APOH: variants seen among roughly 807,000 people sequenced by gnomAD.
The protein encoded by APOH is beta-2-glycoprotein 1.
Under a neutral mutation model 39.8 loss-of-function variants are expected in APOH, and 48 were observed. The observed-to-expected ratio is 1.21, with a 90% CI of 0.96 to 1.54. The LOEUF (loss-of-function observed/expected upper bound fraction) is 1.54, where lower values mean the gene tolerates loss of function less well. Among genes scored for constraint, APOH ranks in the 40% most tolerant of loss-of-function variants. The pLI is 0.00. For synonymous variants in APOH, 153 were observed against 151.1 expected, an observed-to-expected ratio of 1.01 and a Z score of -0.09; for missense variants, 415 against 421.2, an observed-to-expected ratio of 0.99 and a Z score of 0.13.
intron 5 of APOH, among the ~76,000 whole-genome samples, chr17:66,218,014 A>G (rs1244009558): frequency 8.5e-5 from 13 of 152,284 alleles, no homozygotes; most frequent in South Asian, 6.2e-4. Flanking sequence ...GCTCTTCTCT[A>G]TAGAGGGAAG....
Position 66,212,093 on chromosome 17 carries a change from GA to G in APOH, c.*39del. The G allele has an allele frequency of 6.4e-7, 1 of 1,552,648 alleles. No homozygotes were observed. The highest frequency in any genetic ancestry group is 8.9e-7 in the Non-Finnish European group (1 of 1,125,526). Reference sequence around the variant, plus strand: ...TCAATTAGGTTCCTTGGATGAACAAGAAACAAGTGTGACATTTTGTGTGGAA... The same window carrying G: ...TCAATTAGGTTCCTTGGATGAACAAGAACAAGTGTGACATTTTGTGTGGAA... On this transcript the variant is annotated 3_prime_UTR_variant, in exon 8 of 8. Coordinates refer to ENST00000205948, the MANE Select transcript of APOH (RefSeq NM_000042.3).
At chr17:66,219,285 A>G (rs1325861922) in intron 5 of APOH, among the ~76,000 whole-genome samples, 1 of 152,172 alleles carries the variant, frequency 6.6e-6, no homozygotes, top group East Asian at 1.9e-4. Flanking sequence ...TGAAGGCTTT[A>G]TGGGCAAGTA....
At chr17:66,218,163 A>T (rs1288825327) in intron 5 of APOH, among the ~76,000 whole-genome samples, 2 of 152,208 alleles carry the variant, frequency 1.3e-5, no homozygotes, top group Non-Finnish European at 2.9e-5. Flanking sequence ...CATGGTTTCA[A>T]AGTATCACCC....
In APOH at chr17:66,212,109, T is replaced by C. The variant is rs1253929275; in HGVS notation, c.*24A>G. On this transcript the variant is annotated 3_prime_UTR_variant, in exon 8 of 8. Transcript: ENST00000205948. The stretch of plus-strand genomic sequence containing the variant: ...GATGAACAAGAAACAAGTGTGACAT[T>C]TTGTGTGGAATCTGAAAACCACCTT... The C allele has an allele frequency of 6.2e-7, 1 of 1,600,870 alleles. No homozygotes were observed. The highest frequency in any genetic ancestry group is 1.7e-5 in the Admixed American group (1 of 59,858).
rs900764644 is a variant in APOH at position 66,220,597 on chromosome 17, G to C, written c.561C>G (p.Thr187=). 5.0e-6 allele frequency: 8 copies of C among 1,614,058 alleles called. No individual in the cohort carries two copies. The African/African-American group carries it at 9.3e-5, about 19-fold the overall frequency. The change falls in exon 5 of 8, where the codon ACC becomes ACG. Residue 187 remains threonine (T), a synonymous_variant. Transcript: ENST00000205948. ...QHAMFGNDTI[T]CTTHGNWTKL... is the part of the protein sequence containing the mutation. ...TAGTCCAATTTCCATGTGTCGTGCA[G>C]GTAATTGTATCATTTCCAAACATCG...
intron 4 of APOH, among the ~76,000 whole-genome samples, chr17:66,221,445 T>C (rs201427483): frequency 1.7e-5 from 2 of 119,876 alleles, no homozygotes; most frequent in East Asian, 6.1e-4. Context: ...TCAAGTCAGA[T>C]GTCCAAACCA....
intron 3 of APOH, among the ~76,000 whole-genome samples, chr17:66,224,334 T>C (rs941325322): frequency 2.0e-5 from 3 of 151,466 alleles, no homozygotes; most frequent in Non-Finnish European, 4.4e-5. Flanking sequence ...CGTGGTAGTG[T>C]GTGCCTATAG....
chr17:66,216,954 T>G lies in APOH; in HGVS notation c.618A>C (p.Pro206=). 6.3e-7 allele frequency: 1 copy of G among 1,594,602 alleles called. No individual in the cohort carries two copies. Among genetic ancestry groups the G allele is most frequent in the African/African-American group, 1.4e-5 (1 of 74,006 alleles). The change falls in exon 6 of 8, where the codon CCA becomes CCC. Residue 206 remains proline, a synonymous_variant. Transcript: ENST00000205948. Reference sequence around the variant, plus strand: ...ATCCATTGTCTGGTCTTGATGGGAATGGGCATTTTACTTCTAAAACATTTA... The same window carrying G: ...ATCCATTGTCTGGTCTTGATGGGAAGGGGCATTTTACTTCTAAAACATTTA... ...KLPECREVKC[P]FPSRPDNGFV...
At chr17:66,219,223 A>G (rs541557596) in intron 5 of APOH, among the ~76,000 whole-genome samples, 1 of 152,274 alleles carries the variant, frequency 6.6e-6, no homozygotes, top group South Asian at 2.1e-4. Flanking sequence ...TTAATAATCC[A>G]AAACATATGA....
At position 66,215,962 on chromosome 17, in the gene APOH, C is replaced by T. The variant is rs560837162; in HGVS notation, c.784+826G>A. On this transcript the variant is annotated intron_variant, in intron 6 of 7. Coordinates refer to ENST00000205948, the MANE Select transcript of APOH (RefSeq NM_000042.3). ...CACATGATCGACTTGCCTGTTGCCTCCTTATAATATCCCCAATTTCCTTGA... is the reference window on the plus strand; with the variant it reads ...CACATGATCGACTTGCCTGTTGCCTTCTTATAATATCCCCAATTTCCTTGA... 4.6e-5 allele frequency among the ~76,000 whole-genome samples: 7 copies of T among 152,118 alleles called. No homozygotes were observed. The South Asian group carries it at 1.0e-3, about 23-fold the overall frequency.
At chr17:66,214,761 C>A in intron 6 of APOH, 111 bp from the exon 7 acceptor site, 2 of 856,086 alleles carry the variant, frequency 2.3e-6, no homozygotes, top group South Asian at 3.0e-5. Context: ...TTGGTCAAGG[C>A]AAGAAAAATC....
chr17:66,229,106 T>A (rs2073457612), intron 1 of APOH, among the ~76,000 whole-genome samples: 1 of 152,034 alleles, frequency 6.6e-6, no homozygotes, highest in South Asian at 2.1e-4. Flanking sequence ...CCAGCTAATT[T>A]TTGTATTTTT....
intron 4 of APOH, 105 bp from the exon 5 acceptor site, chr17:66,220,847 C>T (rs1268074120): frequency 5.2e-6 from 6 of 1,150,702 alleles, no homozygotes; most frequent in Admixed American, 2.8e-5. Flanking sequence ...TGAGAAAATG[C>T]AAACTGATCA....
chr17:66,223,697 C>T lies in APOH; in HGVS notation c.415+1G>A, dbSNP rs113148457. On this transcript the variant is annotated splice_donor_variant, in intron 4 of 7. Transcript: ENST00000205948. LOFTEE classifies it high-confidence loss of function. The stretch of plus-strand genomic sequence containing the variant: ...GCTGATCACCTTGCCCACAGACTTA[C>T]GAGCACAGACAGGAAGCTCCGGGCT... 1.9e-6 allele frequency: 3 copies of T among 1,614,028 alleles called. No individual in the cohort carries two copies. The highest frequency in any genetic ancestry group is 2.2e-5 in the East Asian group (1 of 44,882).
At chr17:66,212,281 T>C in intron 7 of APOH, 93 bp from the exon 8 acceptor site, 1 of 982,954 alleles carries the variant, frequency 1.0e-6, no homozygotes, top group Non-Finnish European at 1.6e-6. Flanking sequence ...ATTTTACGAG[T>C]ATATAGAATA....
At chr17:66,227,951 T>C in intron 2 of APOH, 69 bp downstream of exon 2, 3 of 1,518,236 alleles carry the variant, frequency 2.0e-6, no homozygotes, top group Non-Finnish European at 2.7e-6. Flanking sequence ...CATGACGAGG[T>C]AGCTTATTCC....
At chr17:66,224,607 G>A (rs1269812087) in intron 3 of APOH, among the ~76,000 whole-genome samples, 2 of 131,660 alleles carry the variant, frequency 1.5e-5, no homozygotes, top group African/African-American at 3.1e-5. Flanking sequence ...AAGAAAGAAA[G>A]AAAAAGAAAG....
In APOH at chr17:66,216,771, C is replaced by T. The variant is rs185875000; in HGVS notation, c.784+17G>A. 4.2e-4 allele frequency: 661 copies of T among 1,558,832 alleles called. No individual in the cohort carries two copies. Among genetic ancestry groups the T allele is most frequent in the Non-Finnish European group, 2.2e-4 (251 of 1,154,846 alleles). ...TCAATTCAGAGATCTTACAGGACCT[C>T]GCCTATATTTCCATACCTTTACAAC... is the stretch of plus-strand genomic sequence containing the variant. On this transcript the variant is annotated intron_variant, in intron 6 of 7. Coordinates refer to ENST00000205948, the MANE Select transcript of APOH (RefSeq NM_000042.3).
At position 66,220,700 on chromosome 17, in the gene APOH, A is replaced by G. The variant is rs759289364; in HGVS notation, c.458T>C (p.Leu153Pro). The G allele has an allele frequency of 6.2e-7, 1 of 1,613,974 alleles. No homozygotes were observed. Among genetic ancestry groups the G allele is most frequent in the African/African-American group, 1.3e-5 (1 of 74,926 alleles). ...TCCAGCTGATGGCTTATAAACACGA[A>G]GTGTTGCAAACGTAGGTATGGATGG... is the stretch of plus-strand genomic sequence containing the variant. ...PPPSIPTFAT[L>P]RVYKPSAGNN... Residue 153 changes from leucine (L) to proline (P), a missense_variant, in exon 5 of 8, where the codon CTT becomes CCT. Coordinates refer to ENST00000205948, the MANE Select transcript of APOH (RefSeq NM_000042.3).
Sources: allele counts gnomAD v4.1 joint callset (sites outside exome capture counted in the v4.1 genomes callset), GRCh38; gene constraint gnomAD v4.1.1; transcripts MANE v1.5; gene names NCBI Gene and HGNC (gene_info 2026-07-23, HGNC 2026-07-21).